CPA6: variants seen among roughly 807,000 people sequenced by gnomAD.
CPA6 encodes the protein carboxypeptidase B.
A neutral mutation model predicts 63.3 loss-of-function variants in CPA6; 58 were observed. That is an observed-to-expected ratio of 0.92 (90% CI 0.74 to 1.14). The LOEUF is 1.14. Among genes scored for constraint, CPA6 ranks in the 50% most tolerant of loss-of-function variants. The pLI, the probability that CPA6 is intolerant of heterozygous loss-of-function variation, is 0.00. For missense variants in CPA6, 565 were observed against 526.6 expected (o/e 1.07, Z -0.71); for synonymous variants, 185 against 179.0 (o/e 1.03, Z -0.27).
chr8:67,562,679 TTG>T (rs1204579837), intron 2 of CPA6, among the ~76,000 whole-genome samples: 10 of 152,304 alleles, frequency 6.6e-5, no homozygotes, highest in African/African-American at 2.4e-4. Context: ...ATTAGTGCTC[TTG>T]TAAAAGAGGC....
chr8:67,451,672 T>G (rs1478657312), intron 8 of CPA6, among the ~76,000 whole-genome samples: 4 of 152,180 alleles, frequency 2.6e-5, no homozygotes, highest in Non-Finnish European at 5.9e-5. Flanking sequence ...GACTGTTGCC[T>G]TAGACTGTTT....
intron 1 of CPA6, among the ~76,000 whole-genome samples, chr8:67,666,760 G>A (rs140072921): frequency 1.3e-5 from 2 of 152,204 alleles, no homozygotes; most frequent in African/African-American, 4.8e-5. Flanking sequence ...CTCTTCTCTG[G>A]GGCATTGGGG....
chr8:67,647,710 C>T (rs1040103362), intron 1 of CPA6, among the ~76,000 whole-genome samples: 2 of 152,150 alleles, frequency 1.3e-5, no homozygotes, highest in African/African-American at 4.8e-5. Flanking sequence ...ACCTGTGGTT[C>T]TTTCTCTGAG....
intron 2 of CPA6, among the ~76,000 whole-genome samples, chr8:67,530,251 C>G (rs1205321334): frequency 6.7e-6 from 1 of 149,508 alleles, no homozygotes; most frequent in African/African-American, 2.4e-5. Context: ...AGTCCCACAT[C>G]TGATAAATTA....
At position 67,576,626 on chromosome 8, in the gene CPA6, C is replaced by A. The variant is rs556238146; in HGVS notation, c.192+47550G>T. ...GACAAGATGGTGATGAGAAACAAAT[C>A]TTTTTCTTACAATTATACATATCTG... On this transcript the variant is annotated intron_variant, in intron 2 of 10. Transcript: ENST00000297770. Among the ~76,000 whole-genome samples the A allele has an allele frequency of 6.3e-3, 960 of 152,276 alleles. 9 individuals carry two copies. The highest frequency in any genetic ancestry group is 0.022 in the African/African-American group (913 of 41,558).
At chr8:67,604,682 G>A (rs1371422432) in intron 2 of CPA6, among the ~76,000 whole-genome samples, 1 of 152,144 alleles carries the variant, frequency 6.6e-6, no homozygotes, top group African/African-American at 2.4e-5. Flanking sequence ...TGTGGAATTT[G>A]TTTCTACATT....
intron 1 of CPA6, among the ~76,000 whole-genome samples, chr8:67,659,649 C>T (rs1816065170): frequency 6.6e-6 from 1 of 152,118 alleles, no homozygotes; most frequent in Non-Finnish European, 1.5e-5. Flanking sequence ...CTTTAATAAC[C>T]ACAAAACTAA....
chr8:67,732,846 C>T (rs1246995338), intron 1 of CPA6, among the ~76,000 whole-genome samples: 10 of 152,080 alleles, frequency 6.6e-5, no homozygotes, highest in South Asian at 2.1e-4. Flanking sequence ...ACTGTTCCAT[C>T]GACCCCCAGG....
intron 8 of CPA6, among the ~76,000 whole-genome samples, chr8:67,464,835 T>C (rs1257327096): frequency 6.6e-6 from 1 of 152,202 alleles, no homozygotes; most frequent in Non-Finnish European, 1.5e-5. Flanking sequence ...TGTGGCTTTA[T>C]TCTGGGTTCT....
At chr8:67,646,748 T>C (rs1815722482) in intron 1 of CPA6, among the ~76,000 whole-genome samples, 1 of 152,076 alleles carries the variant, frequency 6.6e-6, no homozygotes, top group Non-Finnish European at 1.5e-5. Flanking sequence ...GTAAGGAGCC[T>C]GCAGGGGAAG....
intron 1 of CPA6, among the ~76,000 whole-genome samples, chr8:67,734,046 T>C (rs200609328): frequency 1.2e-4 from 1 of 8,040 alleles, no homozygotes; most frequent in Non-Finnish European, 4.9e-4. Context: ...GCAAACTTAA[T>C]TTTTTTTTTT....
intron 2 of CPA6, among the ~76,000 whole-genome samples, chr8:67,604,201 C>T (rs1056613275): frequency 4.6e-5 from 7 of 152,122 alleles, no homozygotes; most frequent in African/African-American, 1.7e-4. Context: ...AAACCAGAAT[C>T]TGAGAACAGA....
chr8:67,598,530 A>G (rs992077638), intron 2 of CPA6, among the ~76,000 whole-genome samples: 1 of 152,182 alleles, frequency 6.6e-6, no homozygotes, highest in Non-Finnish European at 1.5e-5. Flanking sequence ...AGCAAGTAAC[A>G]ATCGCTACTT....
At chr8:67,672,303 A>G (rs1022829013) in intron 1 of CPA6, among the ~76,000 whole-genome samples, 1 of 152,102 alleles carries the variant, frequency 6.6e-6, no homozygotes, top group South Asian at 2.1e-4. Flanking sequence ...TTGTCTTTGA[A>G]CTCATTTTCA....
chr8:67,744,682 A>G (rs1817975133), intron 1 of CPA6, among the ~76,000 whole-genome samples: 1 of 152,192 alleles, frequency 6.6e-6, no homozygotes, highest in South Asian at 2.1e-4. Context: ...AGCCTGCACC[A>G]TCAGTCTTTA....
chr8:67,487,567 C>G (rs1304781755), intron 6 of CPA6, among the ~76,000 whole-genome samples: 1 of 152,096 alleles, frequency 6.6e-6, no homozygotes, highest in Non-Finnish European at 1.5e-5. Flanking sequence ...GGTTATATAC[C>G]CAGTAATGGG....
At position 67,425,878 on chromosome 8, in the gene CPA6, A is replaced by ATTTCTT. The variant is rs1329050615; in HGVS notation, c.1126+2163_1126+2168dup. On this transcript the variant is annotated intron_variant, in intron 10 of 10. Coordinates refer to ENST00000297770, the MANE Select transcript of CPA6 (RefSeq NM_020361.5). ...TACATCACGGTGATGTGACAGCCTC[A>ATTTCTT]TTTCTTTTTCTTTTTCTTTTCTTTT... Among the ~76,000 whole-genome samples the ATTTCTT allele has an allele frequency of 2.3e-3, 352 of 149,992 alleles. 5 individuals are homozygous for ATTTCTT. The highest frequency in any genetic ancestry group is 8.2e-3 in the African/African-American group (335 of 40,908).
intron 8 of CPA6, among the ~76,000 whole-genome samples, chr8:67,440,345 C>T (rs551261087): frequency 2.1e-4 from 32 of 152,032 alleles, no homozygotes; most frequent in Non-Finnish European, 2.6e-4. Context: ...CTGAAGCGGG[C>T]GGATCACTTG....
At chr8:67,521,172 TC>T (rs1812250663) in intron 2 of CPA6, among the ~76,000 whole-genome samples, 1 of 152,258 alleles carries the variant, frequency 6.6e-6, no homozygotes, top group African/African-American at 2.4e-5. Flanking sequence ...CATCTGATAC[TC>T]CACAGGAAAG....
Sources: gnomAD v4.1 joint callset for allele counts (sites outside exome capture counted in the v4.1 genomes callset) on GRCh38, gnomAD v4.1.1 for gene constraint, MANE v1.5 for transcripts, NCBI Gene and HGNC (gene_info 2026-07-23, HGNC 2026-07-21) for gene names.